Variants in PPP6C observed in about 807,000 individuals in gnomAD.
The protein encoded by PPP6C is serine/threonine-protein phosphatase 6 catalytic subunit.
In PPP6C, 11 loss-of-function variants were observed where a neutral mutation model predicts 39.8. The ratio of observed to expected loss-of-function variants is 0.28; its 90% CI spans 0.17 to 0.46. PPP6C has a LOEUF of 0.46. PPP6C is among the 20% of genes least tolerant of loss of function. PPP6C has a pLI of 1.00. For missense variants in PPP6C, 211 were observed against 373.9 expected, an observed-to-expected ratio of 0.56 and a Z score of 3.59; for synonymous variants, 129 against 130.3, an observed-to-expected ratio of 0.99 and a Z score of 0.07.
rs1380620353 is a variant in PPP6C at position 125,146,800 on chromosome 9, C to T, written c.*2873G>A. On this transcript the variant is annotated 3_prime_UTR_variant, in exon 7 of 7. Coordinates refer to ENST00000373547, the MANE Select transcript of PPP6C (RefSeq NM_002721.5). ...CTGGATTCTTGATGTCAAATCTCTT[C>T]GACTCCAGATACACAATTTCCTGGA... The T allele has an allele frequency of 1.3e-5, 2 of 152,142 alleles. No individual in the cohort carries two copies. Among genetic ancestry groups the T allele is most frequent in the Non-Finnish European group, 2.9e-5 (2 of 68,028 alleles). 9.4% of individuals were successfully genotyped at this position (152,142 alleles called of 1,614,324 possible).
intron 2 of PPP6C, among the ~76,000 whole-genome samples, chr9:125,163,350 G>A (rs1024531287): frequency 6.6e-6 from 1 of 152,264 alleles, no homozygotes; most frequent in South Asian, 2.1e-4. Flanking sequence ...AAAAAGTTTT[G>A]TAAGTCAGTT....
At chr9:125,179,695 G>A (rs895010468) in intron 1 of PPP6C, among the ~76,000 whole-genome samples, 8 of 139,430 alleles carry the variant, frequency 5.7e-5, no homozygotes, top group Middle Eastern at 7.9e-3. Flanking sequence ...TTGCTTTGTC[G>A]TTCAGGCTGG....
chr9:125,147,458 T>C lies in PPP6C; in HGVS notation c.*2215A>G, dbSNP rs1835838411. The C allele has an allele frequency of 1.3e-5, 2 of 152,276 alleles. No individual in the cohort carries two copies. Among genetic ancestry groups the C allele is most frequent in the Non-Finnish European group, 1.5e-5 (1 of 68,012 alleles). 9.4% of individuals were successfully genotyped at this position (152,276 alleles called of 1,614,324 possible). ...TTATTTATTGGAGGGATCCAAAATA[T>C]TCCTTGTAGGCTCACAAAGTCCAAT... On this transcript the variant is annotated 3_prime_UTR_variant, in exon 7 of 7. Transcript: ENST00000373547.
intron 1 of PPP6C, among the ~76,000 whole-genome samples, chr9:125,184,819 T>C (rs1829492016): frequency 6.6e-6 from 1 of 151,232 alleles, no homozygotes; most frequent in Admixed American, 6.6e-5. Flanking sequence ...CCAAAAAATA[T>C]ATATATACAA....
chr9:125,181,912 CCCA>C (rs1312961548), intron 1 of PPP6C, among the ~76,000 whole-genome samples: 3 of 152,214 alleles, frequency 2.0e-5, no homozygotes, highest in Non-Finnish European at 2.9e-5. Context: ...AATTTGCACT[CCCA>C]CCAACAGTGT....
At position 125,146,716 on chromosome 9, in the gene PPP6C, C is replaced by T. The variant is rs1263029851; in HGVS notation, c.*2957G>A. The T allele has an allele frequency of 6.6e-6, 1 of 152,052 alleles. No homozygotes were observed. The highest frequency in any genetic ancestry group is 2.1e-4 in the South Asian group (1 of 4,824). 9.4% of individuals were successfully genotyped at this position (152,052 alleles called of 1,614,324 possible). A position where few individuals can be genotyped will look rare whatever the true frequency, so the allele number is the denominator to read the frequency against. On this transcript the variant is annotated 3_prime_UTR_variant, in exon 7 of 7. Transcript: ENST00000373547. ...CTGAGGGAATATAGCACCTTTCATC[C>T]GAAGAACTGAAGGTGCTTTACAAAC...
chr9:125,153,351 T>C (rs1372906241), intron 6 of PPP6C, among the ~76,000 whole-genome samples, 182 bp downstream of exon 6: 1 of 152,170 alleles, frequency 6.6e-6, no homozygotes, highest in African/African-American at 2.4e-5. Flanking sequence ...GTGCTTTCAC[T>C]GTGTCATCTT....
chr9:125,158,691 T>A (rs1403163039), intron 3 of PPP6C, among the ~76,000 whole-genome samples: 2 of 151,732 alleles, frequency 1.3e-5, no homozygotes, highest in East Asian at 1.9e-4. Flanking sequence ...TGAGACAGTA[T>A]CACTCTGTCA....
intron 4 of PPP6C, among the ~76,000 whole-genome samples, chr9:125,156,330 A>C (rs1325156213): frequency 6.6e-6 from 1 of 152,120 alleles, no homozygotes; most frequent in Non-Finnish European, 1.5e-5. Context: ...CTGGAGTGCA[A>C]TGGTGCAATC....
At chr9:125,185,456 G>A (rs2131345442) in intron 1 of PPP6C, among the ~76,000 whole-genome samples, 1 of 152,156 alleles carries the variant, frequency 6.6e-6, no homozygotes, top group Middle Eastern at 3.4e-3. Flanking sequence ...CACTTTGGGA[G>A]GCTGAGAAGG....
intron 6 of PPP6C, among the ~76,000 whole-genome samples, chr9:125,153,000 C>T (rs962568770): frequency 1.1e-4 from 17 of 151,496 alleles, no homozygotes; most frequent in East Asian, 1.9e-4. Flanking sequence ...TGGCCGGGTG[C>T]GGTGGCTCAC....
chr9:125,188,211 C>T (rs755029522), intron 1 of PPP6C, among the ~76,000 whole-genome samples: 2 of 151,816 alleles, frequency 1.3e-5, no homozygotes, highest in Admixed American at 6.6e-5. Flanking sequence ...CGGTGAAACC[C>T]CGTCTCTACT....
intron 4 of PPP6C, among the ~76,000 whole-genome samples, chr9:125,156,184 C>T (rs896021488): frequency 6.6e-5 from 10 of 151,958 alleles, no homozygotes; most frequent in Admixed American, 2.6e-4. Flanking sequence ...TAACTTTACA[C>T]GTATTAAAAA....
Position 125,162,775 on chromosome 9 carries a change from CAA to C in PPP6C, c.172-1871_172-1870del, listed in dbSNP as rs143453437. ...TGGGTGACAGAGCAAGACTCCGTCT[CAA>C]AAAAAAAAAAAAAAAGTGGGCCAAG... On this transcript the variant is annotated intron_variant, in intron 2 of 6. Coordinates refer to ENST00000373547, the MANE Select transcript of PPP6C (RefSeq NM_002721.5). 8.3e-3 allele frequency among the ~76,000 whole-genome samples: 932 copies of C among 112,780 alleles called. 10 individuals are homozygous for C. Among genetic ancestry groups the C allele is most frequent in the African/African-American group, 0.027 (823 of 30,582 alleles). 74.0% of individuals were successfully genotyped at this position (112,780 alleles called of 152,430 possible).
chr9:125,158,180 C>G, intron 4 of PPP6C, 61 bp downstream of exon 4: 1 of 1,492,566 alleles, frequency 6.7e-7, no homozygotes, highest in Non-Finnish European at 9.2e-7. Context: ...ACTTGTGTAG[C>G]TTTGTTTTCC....
rs1835851502 is a variant in PPP6C, at chr9:125,148,071, G to C, written c.*1602C>G. On this transcript the variant is annotated 3_prime_UTR_variant, in exon 7 of 7. Coordinates refer to ENST00000373547, the MANE Select transcript of PPP6C (RefSeq NM_002721.5). The stretch of plus-strand genomic sequence containing the variant: ...AACTATGTAAGGAGCTGGGTGGTTT[G>C]AGGGAAAAAAATTAAATCAAAACAG... 5.4e-6 allele frequency: 1 copy of C among 186,122 alleles called. No individual in the cohort carries two copies. Among genetic ancestry groups the C allele is most frequent in the Admixed American group, 4.2e-5 (1 of 23,622 alleles). The allele number at this position is 186,122 out of a possible 1,614,324, so 11.5% of individuals were successfully genotyped here.
intron 6 of PPP6C, chr9:125,151,361 A>G (rs1835937126): frequency 1.5e-5 from 18 of 1,205,766 alleles, no homozygotes; most frequent in Non-Finnish European, 2.1e-5. Context: ...TGGAGTCACC[A>G]AAGTTTATGC....
At position 125,149,699 on chromosome 9, in the gene PPP6C, T is replaced by G. The variant is rs1349189236; in HGVS notation, c.892A>C (p.Arg298=). The G allele has an allele frequency of 6.2e-7, 1 of 1,614,020 alleles. No homozygotes were observed. The highest frequency in any genetic ancestry group is 1.3e-5 in the African/African-American group (1 of 74,926). The change falls in exon 7 of 7, where the codon AGA becomes CGA. Residue 298 remains arginine, a synonymous_variant. Coordinates refer to ENST00000373547, the MANE Select transcript of PPP6C (RefSeq NM_002721.5). ...CAAAGGAAATATGGCGTTGTCGTTC[T>G]GGGAGGAATAACACGTTCTGAATCT... ...VPDSERVIPP[R]TTTPYFL
chr9:125,148,063 G>A lies in PPP6C; in HGVS notation c.*1610C>T. ...TAATTAAAAACTATGTAAGGAGCTG[G>A]GTGGTTTGAGGGAAAAAAATTAAAT... On this transcript the variant is annotated 3_prime_UTR_variant, in exon 7 of 7. Coordinates refer to ENST00000373547, the MANE Select transcript of PPP6C (RefSeq NM_002721.5). 5.4e-6 allele frequency: 1 copy of A among 186,232 alleles called. No homozygotes were observed. Among genetic ancestry groups the A allele is most frequent in the Non-Finnish European group, 1.1e-5 (1 of 88,744 alleles). The allele number at this position is 186,232 out of a possible 1,614,324, so 11.5% of individuals were successfully genotyped here.
Sources: gnomAD v4.1 joint callset for allele counts (sites outside exome capture counted in the v4.1 genomes callset) on GRCh38, gnomAD v4.1.1 for gene constraint, MANE v1.5 for transcripts, NCBI Gene and HGNC (gene_info 2026-07-23, HGNC 2026-07-21) for gene names.